The following PRMT8 variants were observed in gnomAD, a reference collection of about 807,000 sequenced individuals.
PRMT8 encodes protein arginine N-methyltransferase 8.
A neutral mutation model predicts 47.1 loss-of-function variants in PRMT8; 7 were observed. The observed-to-expected ratio is 0.15, with a 90% confidence interval of 0.08 to 0.28. The LOEUF is 0.28. PRMT8 is among the 10% of genes least tolerant of loss of function. The pLI is 1.00. For missense variants in PRMT8, 237 were observed against 505.4 expected, an observed-to-expected ratio of 0.47 and a Z score of 5.09; for synonymous variants, 188 against 186.5, an observed-to-expected ratio of 1.01 and a Z score of -0.07.
In PRMT8 at chr12:3,456,209, C is replaced by T. The variant is rs1024654979; in HGVS notation, c.48+74767C>T. Among the ~76,000 whole-genome samples the T allele has an allele frequency of 1.3e-5, 2 of 152,210 alleles. No individual in the cohort carries two copies. The highest frequency in any genetic ancestry group is 2.4e-5 in the African/African-American group (1 of 41,460). ...AGTACGCCAGCGCTGGCACACCAAG[C>T]GCCACCTTTGAGCGGGAAATGGCAG... On this transcript the variant is annotated intron_variant, in intron 1 of 9. Coordinates refer to the PRMT8 transcript ENST00000452611. The surrounding 1 kb of genome is among the most constrained non-coding windows in gnomAD (Gnocchi z 4.2).
intron 9 of PRMT8, among the ~76,000 whole-genome samples, 157 bp from the exon 10 acceptor site, chr12:3,592,942 T>C (rs1015441174): frequency 2.6e-5 from 4 of 152,156 alleles, no homozygotes; most frequent in Non-Finnish European, 5.9e-5. Flanking sequence ...CAGAATGGAT[T>C]CCTGTGGGCT....
At chr12:3,415,218 C>T (rs572295027) in intron 1 of PRMT8, among the ~76,000 whole-genome samples, 21 of 152,200 alleles carry the variant, frequency 1.4e-4, no homozygotes, top group South Asian at 1.2e-3. Context: ...ATGCATGGGG[C>T]GAGGCATGGG....
At chr12:3,398,075 TGC>T (rs1460702324) in intron 1 of PRMT8, among the ~76,000 whole-genome samples, 2 of 151,942 alleles carry the variant, frequency 1.3e-5, no homozygotes, top group Non-Finnish European at 2.9e-5. Context: ...TCGCGCACGG[TGC>T]GCGCACCCAC....
At chr12:3,496,199 G>GATATAT (rs1555085720) in intron 1 of PRMT8, among the ~76,000 whole-genome samples, 354 of 31,312 alleles carry the variant, frequency 0.011, 23 homozygotes, top group Admixed American at 0.028. Flanking sequence ...TTTGGAAACT[G>GATATAT]ATATATATAT....
Position 3,434,618 on chromosome 12 carries a change from GC to G in PRMT8, c.48+53182del, listed in dbSNP as rs1314899702. On this transcript the variant is annotated intron_variant, in intron 1 of 9. Coordinates refer to the PRMT8 transcript ENST00000452611. ...GCTGACAGAGGAAGTTACAGAAGGA[GC>G]CCCCCAGAAAATGGAGCTGATGACA... Among the ~76,000 whole-genome samples the G allele has an allele frequency of 2.0e-5, 3 of 152,112 alleles. 1 individual carries two copies. The highest frequency in any genetic ancestry group is 4.4e-5 in the Non-Finnish European group (3 of 68,024).
chr12:3,516,296 C>T (rs549063906), intron 1 of PRMT8, among the ~76,000 whole-genome samples: 85 of 152,296 alleles, frequency 5.6e-4, no homozygotes, highest in Middle Eastern at 3.4e-3. Flanking sequence ...CTGGTCCCCT[C>T]TTGGTGATTT....
intron 7 of PRMT8, among the ~76,000 whole-genome samples, chr12:3,581,547 G>A (rs1300665690): frequency 6.6e-6 from 1 of 152,164 alleles, no homozygotes; most frequent in Non-Finnish European, 1.5e-5. Flanking sequence ...AAAAGGCTCA[G>A]CTTAAGAAGA....
intron 1 of PRMT8, among the ~76,000 whole-genome samples, chr12:3,532,554 G>C (rs1351223418): frequency 3.0e-5 from 4 of 132,092 alleles, no homozygotes. Flanking sequence ...AGAGCTTGCA[G>C]TGAGCTGAGA....
intron 1 of PRMT8, among the ~76,000 whole-genome samples, chr12:3,433,405 C>T (rs1036604488): frequency 5.9e-5 from 9 of 152,234 alleles, no homozygotes; most frequent in South Asian, 4.1e-4. Flanking sequence ...TTTCTCAATG[C>T]TCTTCAGATA....
At chr12:3,419,259 G>A (rs983620312) in intron 1 of PRMT8, among the ~76,000 whole-genome samples, 9 of 152,302 alleles carry the variant, frequency 5.9e-5, no homozygotes, top group Non-Finnish European at 1.0e-4. Flanking sequence ...AGGGGCTTCC[G>A]CCTTGCTTAG....
intron 2 of PRMT8, among the ~76,000 whole-genome samples, chr12:3,549,253 C>T (rs1866376917): frequency 6.6e-6 from 1 of 152,088 alleles, no homozygotes; most frequent in African/African-American, 2.4e-5. Context: ...AAAACCTGGG[C>T]TTTTTGTTGC....
chr12:3,429,776 G>A (rs891348566), intron 1 of PRMT8, among the ~76,000 whole-genome samples: 5 of 151,846 alleles, frequency 3.3e-5, no homozygotes, highest in Non-Finnish European at 1.5e-5. Flanking sequence ...TTGATCTTCC[G>A]TGGGGGCCTC....
chr12:3,496,212 A>ATTTTTTTTTTTT (rs1444249290), intron 1 of PRMT8, among the ~76,000 whole-genome samples: 7 of 19,398 alleles, frequency 3.6e-4, no homozygotes, highest in Admixed American at 7.6e-4. Context: ...ATATATATAT[A>ATTTTTTTTTTTT]TATTTTTTTT....
chr12:3,559,578 T>G (rs1179288251), intron 4 of PRMT8, among the ~76,000 whole-genome samples: 3 of 152,210 alleles, frequency 2.0e-5, no homozygotes, highest in Non-Finnish European at 4.4e-5. Context: ...TTCCTCCCTT[T>G]CCATATTTCT....
At chr12:3,541,782 C>T (rs1366581340) in intron 2 of PRMT8, among the ~76,000 whole-genome samples, 3 of 152,182 alleles carry the variant, frequency 2.0e-5, no homozygotes, top group Non-Finnish European at 2.9e-5. Context: ...GTGCTTACTA[C>T]GTGCTGGTGT....
rs1189315867 is a variant in PRMT8, at chr12:3,409,985, C to A, written c.48+28543C>A. ...AGGCGTGGATGGAGTGGCTCTGGCC[C>A]TCTGGCAGCCTGTTACCTCTGGTTA... On this transcript the variant is annotated intron_variant, in intron 1 of 9. Transcript: ENST00000452611. This position sits in a 1 kb window ranked among gnomAD's most constrained non-coding sequence, Gnocchi z 4.4. 3.3e-5 allele frequency among the ~76,000 whole-genome samples: 5 copies of A among 152,342 alleles called. No homozygotes were observed. The highest frequency in any genetic ancestry group is 9.6e-5 in the African/African-American group (4 of 41,584).
intron 2 of PRMT8, among the ~76,000 whole-genome samples, chr12:3,541,719 G>A (rs953505871): frequency 1.3e-5 from 2 of 152,198 alleles, no homozygotes; most frequent in Non-Finnish European, 2.9e-5. Flanking sequence ...TGCCATTGCC[G>A]GAAGGGTGTT....
At chr12:3,496,214 A>ATTTTTTTTTTTTTTTTTTTTTTTTTTTT (rs1555085718) in intron 1 of PRMT8, among the ~76,000 whole-genome samples, 1 of 27,756 alleles carries the variant, frequency 3.6e-5, no homozygotes, top group Non-Finnish European at 7.9e-5. Context: ...ATATATATAT[A>ATTTTTTTTTTTTTTTTTTTTTTTTTTTT]TTTTTTTTTT....
intron 1 of PRMT8, among the ~76,000 whole-genome samples, chr12:3,512,065 T>C (rs1295425013): frequency 6.6e-6 from 1 of 152,160 alleles, no homozygotes; most frequent in African/African-American, 2.4e-5. Context: ...GTTACTTTCC[T>C]TTGATGTGGC....
Sources: allele counts gnomAD v4.1 joint callset (sites outside exome capture counted in the v4.1 genomes callset), GRCh38; gene constraint gnomAD v4.1.1; non-coding constraint Gnocchi (gnomAD v3.1); transcripts MANE v1.5; gene names NCBI Gene and HGNC (gene_info 2026-07-23, HGNC 2026-07-21).